SYCP1: variants seen among roughly 807,000 people sequenced by gnomAD.
SYCP1 encodes synaptonemal complex protein 1.
A neutral mutation model predicts 153.1 loss-of-function variants in SYCP1; 64 were observed. The ratio of observed to expected loss-of-function variants is 0.42; its 90% CI spans 0.34 to 0.51. The LOEUF is 0.51. Ranked by LOEUF, SYCP1 falls within the 20% of genes least tolerant of loss-of-function variation. The pLI is 0.06. For synonymous variants in SYCP1, 384 were observed against 341.8 expected (o/e 1.12, Z -1.36); for missense variants, 997 against 1,049.0 (o/e 0.95, Z 0.68).
At chr1:114,989,634 G>A (rs1432624499) in intron 30 of SYCP1, among the ~76,000 whole-genome samples, 2 of 151,780 alleles carry the variant, frequency 1.3e-5, no homozygotes, top group South Asian at 2.1e-4. Context: ...TAGATCCAAA[G>A]CCACAAATTG....
chr1:114,986,134 C>A (rs2101967129), intron 30 of SYCP1, among the ~76,000 whole-genome samples: 1 of 152,000 alleles, frequency 6.6e-6, no homozygotes, highest in East Asian at 1.9e-4. Context: ...TGGATCCAAT[C>A]CCCCATGGAT....
At chr1:114,913,712 A>G (rs1007296372) in intron 19 of SYCP1, among the ~76,000 whole-genome samples, 7 of 152,108 alleles carry the variant, frequency 4.6e-5, no homozygotes, top group African/African-American at 1.4e-4. Context: ...AAGTGACAAT[A>G]TGAACAAAGG....
chr1:114,862,096 C>T (rs981623941), intron 8 of SYCP1, among the ~76,000 whole-genome samples: 18 of 151,802 alleles, frequency 1.2e-4, no homozygotes, highest in South Asian at 2.1e-4. Context: ...CCACTGCACC[C>T]GGCCAGGATT....
intron 27 of SYCP1, among the ~76,000 whole-genome samples, chr1:114,969,074 G>A (rs554306841): frequency 3.9e-5 from 6 of 152,220 alleles, no homozygotes; most frequent in Non-Finnish European, 5.9e-5. Flanking sequence ...AGGGGCACTC[G>A]CCAGATACCA....
At chr1:114,857,156 A>AAAAAAAAAAAAAAAAAAAAAAG (rs774041717) in intron 3 of SYCP1, 76 bp from the exon 4 acceptor site, 6 of 921,334 alleles carry the variant, frequency 6.5e-6, no homozygotes, top group African/African-American at 3.4e-5. Flanking sequence ...AAAAAAAAAA[A>AAAAAAAAAAAAAAAAAAAAAAG]AGAGAAAAAA....
chr1:114,928,490 AAT>A (rs910834920), intron 23 of SYCP1, among the ~76,000 whole-genome samples: 1 of 152,226 alleles, frequency 6.6e-6, no homozygotes, highest in African/African-American at 2.4e-5. Context: ...TACCCTAAGC[AAT>A]ACTTAAGGAA....
intron 12 of SYCP1, among the ~76,000 whole-genome samples, chr1:114,879,504 C>T (rs1339487064): frequency 6.6e-6 from 1 of 152,128 alleles, no homozygotes; most frequent in Non-Finnish European, 1.5e-5. Context: ...AGTCTGTTGG[C>T]TAAATTCTTA....
chr1:114,968,478 A>G (rs1459612236), intron 27 of SYCP1, among the ~76,000 whole-genome samples: 1 of 152,150 alleles, frequency 6.6e-6, no homozygotes, highest in African/African-American at 2.4e-5. Context: ...TCAGCTATTG[A>G]TACTTGTGTA....
At chr1:114,991,620 C>A (rs1179861336) in intron 30 of SYCP1, among the ~76,000 whole-genome samples, 8 of 151,560 alleles carry the variant, frequency 5.3e-5, no homozygotes, top group African/African-American at 1.2e-4. Flanking sequence ...TGGTAGAAAA[C>A]CTCTCAGAAA....
At chr1:114,970,615 G>T (rs539095742) in intron 27 of SYCP1, among the ~76,000 whole-genome samples, 1 of 152,100 alleles carries the variant, frequency 6.6e-6, no homozygotes, top group Non-Finnish European at 1.5e-5. Context: ...CCTTGATGTG[G>T]TGCTCTCCCT....
At chr1:114,881,542 T>TCCTTCCTTCCTTCCTTCCTTCCTTCCTC (rs397981389) in intron 12 of SYCP1, among the ~76,000 whole-genome samples, 1 of 150,848 alleles carries the variant, frequency 6.6e-6, no homozygotes, top group Non-Finnish European at 1.5e-5. Flanking sequence ...CTTCCTTCCT[T>TCCTTCCTTCCTTCCTTCCTTCCTTCCTC]TCTTGATGGA....
intron 27 of SYCP1, among the ~76,000 whole-genome samples, chr1:114,962,666 A>T (rs1405628846): frequency 1.3e-5 from 2 of 152,168 alleles, no homozygotes; most frequent in Non-Finnish European, 2.9e-5. Context: ...ATTTACATTC[A>T]ACATTAGTAT....
At chr1:114,950,638 A>T (rs1671034338) in intron 27 of SYCP1, among the ~76,000 whole-genome samples, 1 of 152,024 alleles carries the variant, frequency 6.6e-6, no homozygotes, top group Admixed American at 6.6e-5. Flanking sequence ...TGCATTGTCT[A>T]TACTATTGTT....
At chr1:114,887,848 T>G (rs1245610899) in intron 15 of SYCP1, among the ~76,000 whole-genome samples, 155 bp downstream of exon 15, 10 of 152,082 alleles carry the variant, frequency 6.6e-5, no homozygotes, top group Non-Finnish European at 1.5e-4. Context: ...GGTAGAAAAT[T>G]TAAACCTTAA....
chr1:114,958,786 C>T (rs548495013), intron 27 of SYCP1, among the ~76,000 whole-genome samples: 14 of 147,428 alleles, frequency 9.5e-5, no homozygotes, highest in Middle Eastern at 7.2e-3. Context: ...AAAAATTAGC[C>T]GGGCATGGTG....
intron 23 of SYCP1, among the ~76,000 whole-genome samples, chr1:114,932,824 C>G (rs114720175): frequency 1.3e-5 from 2 of 152,218 alleles, no homozygotes; most frequent in Admixed American, 1.3e-4. Context: ...AGTCTGAGAT[C>G]GAACTGCAAG....
At chr1:114,973,948 A>G (rs148186591) in intron 27 of SYCP1, among the ~76,000 whole-genome samples, 4 of 151,922 alleles carry the variant, frequency 2.6e-5, no homozygotes, top group Non-Finnish European at 5.9e-5. Context: ...GATGAATACT[A>G]TTTGTTGTAT....
intron 20 of SYCP1, among the ~76,000 whole-genome samples, chr1:114,917,115 A>T (rs527462734): frequency 5.0e-4 from 76 of 152,070 alleles, no homozygotes; most frequent in African/African-American, 1.7e-3. Context: ...TTTTGTACTC[A>T]TTAACCATCT....
At chr1:114,988,145 A>G (rs1299189268) in intron 30 of SYCP1, among the ~76,000 whole-genome samples, 1 of 151,090 alleles carries the variant, frequency 6.6e-6, no homozygotes, top group African/African-American at 2.4e-5. Context: ...GTCTTGTAGC[A>G]CACCATCAGC....
Sources: allele counts gnomAD v4.1 joint callset (sites outside exome capture counted in the v4.1 genomes callset), GRCh38; gene constraint gnomAD v4.1.1; transcripts MANE v1.5; gene names NCBI Gene and HGNC (gene_info 2026-07-23, HGNC 2026-07-21).